The following UNC13B variants were observed in gnomAD, a reference collection of about 807,000 sequenced individuals.
UNC13B encodes the protein unc-13 homolog B.
UNC13B carries 144 observed loss-of-function variants against 211.0 expected under a neutral mutation model. That is an observed-to-expected ratio of 0.68 (90% CI 0.60 to 0.78). The LOEUF is 0.78. Among genes scored for constraint, UNC13B ranks in the 30% least tolerant of loss-of-function variants. The pLI, the probability that UNC13B is intolerant of heterozygous loss-of-function variation, is 0.00. For missense variants in UNC13B, 1,777 were observed against 2,002.0 expected, an observed-to-expected ratio of 0.89 and a Z score of 2.14; for synonymous variants, 709 against 725.8, an observed-to-expected ratio of 0.98 and a Z score of 0.37.
rs1836215751 is a variant in UNC13B at position 35,400,365 on chromosome 9, C to T, written c.12406C>T (p.Leu4136=). The T allele has an allele frequency of 6.2e-7, 1 of 1,614,194 alleles. No homozygotes were observed. Among genetic ancestry groups the T allele is most frequent in the Non-Finnish European group, 8.5e-7 (1 of 1,180,016 alleles). The part of the protein sequence containing the change: ...FLEKSPDLQS[L]RYALSLYTQT... ...GGAGAAGAGCCCAGATCTGCAGTCTCTACGCTATGCCCTGTCTCTGTACAC... is the reference window on the plus strand; with the variant it reads ...GGAGAAGAGCCCAGATCTGCAGTCTTTACGCTATGCCCTGTCTCTGTACAC... The change falls in exon 37 of 40, where the codon CTA becomes TTA. Residue 4136 remains leucine, a synonymous_variant. Coordinates refer to ENST00000635942, the MANE Select transcript of UNC13B (RefSeq NM_001371189.2).
In UNC13B at chr9:35,399,006, C is replaced by T. The variant is rs141208447; in HGVS notation, c.12046C>T (p.Arg4016Trp). 3.8e-5 allele frequency: 61 copies of T among 1,613,990 alleles called. No homozygotes were observed. The highest frequency in any genetic ancestry group is 2.8e-4 in the Admixed American group (17 of 59,988). Residue 4016 changes from arginine (R) to tryptophan (W), a missense_variant, in exon 33 of 40, where the codon CGG (arginine) becomes TGG (tryptophan). Arg to Trp is a moderately radical substitution (Grantham distance 101). Transcript: ENST00000635942. Reference protein sequence around the residue: ...SAAQDADSVLRPLMDFLDGNL... With the variant: ...SAAQDADSVLWPLMDFLDGNL... ...GGCTCAGGATGCAGATAGCGTACTC[C>T]GGCCTCTCATGGACTTCCTGGATGG...
chr9:35,164,124 CT>C (rs1820912638), intron 1 of UNC13B, among the ~76,000 whole-genome samples: 1 of 152,180 alleles, frequency 6.6e-6, no homozygotes, highest in Non-Finnish European at 1.5e-5. Context: ...TCAAGTGATT[CT>C]CATGCCTCAG....
chr9:35,201,201 G>C (rs1027923879), intron 1 of UNC13B, among the ~76,000 whole-genome samples: 3 of 152,144 alleles, frequency 2.0e-5, no homozygotes, highest in Non-Finnish European at 2.9e-5. Flanking sequence ...TGATCATGGT[G>C]GATAAGCTTT....
At chr9:35,206,408 C>T (rs887966768) in intron 1 of UNC13B, among the ~76,000 whole-genome samples, 3 of 152,104 alleles carry the variant, frequency 2.0e-5, no homozygotes, top group Non-Finnish European at 4.4e-5. Context: ...CTGGTAACCA[C>T]TAATCTGTCT....
chr9:35,211,705 G>A (rs1823976477), intron 1 of UNC13B, among the ~76,000 whole-genome samples: 2 of 152,180 alleles, frequency 1.3e-5, no homozygotes, highest in African/African-American at 4.8e-5. Flanking sequence ...TACCTACAGT[G>A]TATGAGAATG....
At chr9:35,168,866 T>G (rs1821187566) in intron 1 of UNC13B, among the ~76,000 whole-genome samples, 1 of 151,788 alleles carries the variant, frequency 6.6e-6, no homozygotes, top group Non-Finnish European at 1.5e-5. Context: ...AGAGACAGGG[T>G]TTTGCTATGT....
At chr9:35,340,611 G>C (rs1831930394) in intron 11 of UNC13B, among the ~76,000 whole-genome samples, 1 of 152,178 alleles carries the variant, frequency 6.6e-6, no homozygotes, top group Non-Finnish European at 1.5e-5. Flanking sequence ...GAAGTCACAA[G>C]GTTTGAGAGC....
intron 20 of UNC13B, 104 bp downstream of exon 20, chr9:35,381,823 G>C: frequency 2.1e-6 from 3 of 1,421,222 alleles, no homozygotes; most frequent in Non-Finnish European, 2.9e-6. Flanking sequence ...AGCATGCAGT[G>C]ATTCCTTTAC....
intron 11 of UNC13B, among the ~76,000 whole-genome samples, chr9:35,358,474 G>GTTA (rs746352332): frequency 6.6e-6 from 1 of 151,982 alleles, no homozygotes; most frequent in Non-Finnish European, 1.5e-5. Flanking sequence ...GTTATTTTCT[G>GTTA]TTTTGTTTTT....
intron 7 of UNC13B, among the ~76,000 whole-genome samples, chr9:35,275,970 A>C (rs1008383658): frequency 3.3e-5 from 5 of 152,074 alleles, no homozygotes; most frequent in African/African-American, 1.2e-4. Flanking sequence ...CTTCTTGATC[A>C]GTGTCTTTTT....
intron 1 of UNC13B, among the ~76,000 whole-genome samples, chr9:35,209,439 A>G: frequency 6.6e-6 from 1 of 152,056 alleles, no homozygotes; most frequent in Non-Finnish European, 1.5e-5. Context: ...GTGCAGTGGC[A>G]TGACTTTGGC....
intron 5 of UNC13B, among the ~76,000 whole-genome samples, chr9:35,242,790 C>T (rs1587448997): frequency 6.6e-6 from 1 of 152,128 alleles, no homozygotes; most frequent in African/African-American, 2.4e-5. Flanking sequence ...TCACCTCTTT[C>T]GTATATATAA....
At chr9:35,403,392 C>T (rs751960607) in intron 38 of UNC13B, 48 bp from the exon 39 acceptor site, 1 of 1,607,182 alleles carries the variant, frequency 6.2e-7, no homozygotes, top group Non-Finnish European at 8.5e-7. Flanking sequence ...GGTTCAAGAA[C>T]TGGGAAATCC....
chr9:35,201,675 G>A (rs887481105), intron 1 of UNC13B, among the ~76,000 whole-genome samples: 15 of 152,058 alleles, frequency 9.9e-5, no homozygotes, highest in African/African-American at 3.6e-4. Flanking sequence ...TGGGATCGGT[G>A]GTGATATCCC....
intron 7 of UNC13B, among the ~76,000 whole-genome samples, chr9:35,264,154 A>G (rs1191569065): frequency 2.0e-5 from 3 of 152,186 alleles, no homozygotes; most frequent in Non-Finnish European, 2.9e-5. Context: ...GGTTATTGTT[A>G]GAAATATGGA....
chr9:35,223,412 C>G (rs532665261), intron 1 of UNC13B, among the ~76,000 whole-genome samples: 2 of 152,080 alleles, frequency 1.3e-5, no homozygotes, highest in East Asian at 3.9e-4. Flanking sequence ...TGATAGCTCA[C>G]TGTGGTTTTG....
chr9:35,360,045 C>T (rs1310424637), intron 11 of UNC13B, among the ~76,000 whole-genome samples: 1 of 152,244 alleles, frequency 6.6e-6, no homozygotes, highest in Non-Finnish European at 1.5e-5. Flanking sequence ...GCTCTCACCT[C>T]AGGCTTTGCA....
At chr9:35,260,680 AACTT>A (rs1827223161) in intron 7 of UNC13B, among the ~76,000 whole-genome samples, 1 of 151,996 alleles carries the variant, frequency 6.6e-6, no homozygotes. Flanking sequence ...ATTTATTACT[AACTT>A]TTGTTTTTTG....
At chr9:35,165,683 C>A (rs907070367) in intron 1 of UNC13B, among the ~76,000 whole-genome samples, 2 of 152,108 alleles carry the variant, frequency 1.3e-5, no homozygotes, top group African/African-American at 4.8e-5. Context: ...TCCCAAAGTG[C>A]TGGGATTACA....
Sources: gnomAD v4.1 joint callset for allele counts (sites outside exome capture counted in the v4.1 genomes callset) on GRCh38, gnomAD v4.1.1 for gene constraint, MANE v1.5 for transcripts, NCBI Gene and HGNC (gene_info 2026-07-23, HGNC 2026-07-21) for gene names.